Variants in LRFN5 observed in about 807,000 individuals in gnomAD.
LRFN5 encodes the protein leucine-rich repeat and fibronectin type-III domain-containing protein 5.
In LRFN5, 24 loss-of-function variants were observed where a neutral mutation model predicts 45.6. The observed-to-expected ratio is 0.53, with a 90% CI of 0.38 to 0.74. The LOEUF (loss-of-function observed/expected upper bound fraction) is 0.74, where lower values mean the gene tolerates loss of function less well. LRFN5 is among the 30% of genes least tolerant of loss of function. The pLI, the probability that LRFN5 is intolerant of heterozygous loss-of-function variation, is 0.00. For synonymous variants in LRFN5, 340 were observed against 313.8 expected, an observed-to-expected ratio of 1.08 and a Z score of -0.88; for missense variants, 776 against 861.5, an observed-to-expected ratio of 0.90 and a Z score of 1.24.
intron 1 of LRFN5, among the ~76,000 whole-genome samples, chr14:41,719,033 G>T (rs1051071061): frequency 2.0e-5 from 3 of 152,152 alleles, no homozygotes; most frequent in Non-Finnish European, 4.4e-5. Context: ...CTGGATTACA[G>T]AGTACCAGAA....
intron 2 of LRFN5, among the ~76,000 whole-genome samples, chr14:41,847,746 A>G (rs1184386081): frequency 6.6e-6 from 1 of 152,116 alleles, no homozygotes; most frequent in Non-Finnish European, 1.5e-5. Context: ...GGGTAAATTT[A>G]TGAATTATTT....
chr14:41,716,405 GC>G (rs778062305), intron 1 of LRFN5, among the ~76,000 whole-genome samples: 43 of 152,220 alleles, frequency 2.8e-4, no homozygotes, highest in Middle Eastern at 3.4e-3. Flanking sequence ...AAAACTGACT[GC>G]CTTTAACAGC....
rs546919983 is a variant in LRFN5 at position 41,753,883 on chromosome 14, G to A, written c.-196-12971G>A. Among the ~76,000 whole-genome samples, 703 of 151,186 alleles carry A rather than the reference G, an allele frequency of 4.6e-3. 2 individuals carry two copies. The highest frequency in any genetic ancestry group is 8.5e-3 in the Non-Finnish European group (573 of 67,336). ...AATGCTTCCAGTTTTTGCCCATTCA[G>A]TATATTGGCTGTGGGTTTGTCATAG... is the stretch of plus-strand genomic sequence containing the variant. On this transcript the variant is annotated intron_variant, in intron 1 of 5. Transcript: ENST00000298119.
At chr14:41,659,892 G>GTTTTTTTTTTTTT (rs11352345) in intron 1 of LRFN5, among the ~76,000 whole-genome samples, 13 of 123,892 alleles carry the variant, frequency 1.0e-4, no homozygotes, top group East Asian at 2.5e-4. Flanking sequence ...ACTTTTTGAT[G>GTTTTTTTTTTTTT]TTTTTTTTTT....
intron 1 of LRFN5, among the ~76,000 whole-genome samples, chr14:41,703,992 A>C (rs959470704): frequency 6.6e-6 from 1 of 152,072 alleles, no homozygotes; most frequent in African/African-American, 2.4e-5. Context: ...AGGTAGCTCC[A>C]TTATTTACCC....
chr14:41,760,796 G>C (rs1885627876), intron 1 of LRFN5, among the ~76,000 whole-genome samples: 1 of 151,724 alleles, frequency 6.6e-6, no homozygotes. Flanking sequence ...GGTGAAAACT[G>C]GTAGATATAA....
At chr14:41,716,716 C>T (rs1883509342) in intron 1 of LRFN5, among the ~76,000 whole-genome samples, 1 of 152,166 alleles carries the variant, frequency 6.6e-6, no homozygotes, top group African/African-American at 2.4e-5. Context: ...GTCTTCTGAG[C>T]CATCCAAAAT....
At chr14:41,718,528 G>A (rs1366794512) in intron 1 of LRFN5, among the ~76,000 whole-genome samples, 1 of 152,104 alleles carries the variant, frequency 6.6e-6, no homozygotes, top group Non-Finnish European at 1.5e-5. Context: ...TATTGTTCAT[G>A]TTTTTAAAGA....
chr14:41,682,247 A>AAAT lies in LRFN5; in HGVS notation c.-197+73707_-197+73709dup, dbSNP rs373861274. Among the ~76,000 whole-genome samples the AAAT allele has an allele frequency of 6.0e-3, 896 of 148,390 alleles. 19 individuals carry two copies. Among genetic ancestry groups the AAAT allele is most frequent in the Admixed American group, 0.043 (644 of 14,824 alleles). ...GGCAACAGAGCAAGACTTCATCTTA[A>AAAT]AATAATAATAATAATAATAATAATT... On this transcript the variant is annotated intron_variant, in intron 1 of 5. Coordinates refer to ENST00000298119, the MANE Select transcript of LRFN5 (RefSeq NM_152447.5).
At chr14:41,883,379 C>G (rs1332439386) in intron 2 of LRFN5, among the ~76,000 whole-genome samples, 1 of 152,074 alleles carries the variant, frequency 6.6e-6, no homozygotes, top group Non-Finnish European at 1.5e-5. Context: ...GCATACATAT[C>G]TACAGATGTA....
At chr14:41,673,730 T>G (rs1239211299) in intron 1 of LRFN5, among the ~76,000 whole-genome samples, 1 of 128,612 alleles carries the variant, frequency 7.8e-6, no homozygotes, top group East Asian at 2.7e-4. Flanking sequence ...GGCTCCTCAC[T>G]TCCCAGTAGG....
chr14:41,782,377 T>C (rs1886560024), intron 2 of LRFN5, among the ~76,000 whole-genome samples: 1 of 152,166 alleles, frequency 6.6e-6, no homozygotes, highest in South Asian at 2.1e-4. Context: ...TTTTACTCTT[T>C]CTTTTGATTC....
At chr14:41,782,274 C>T (rs1385783036) in intron 2 of LRFN5, among the ~76,000 whole-genome samples, 1 of 151,694 alleles carries the variant, frequency 6.6e-6, no homozygotes, top group Admixed American at 6.6e-5. Context: ...TTTCTATTGA[C>T]ATTTCTCAAA....
At chr14:41,625,623 TCAAGAA>T (rs1888303834) in intron 1 of LRFN5, among the ~76,000 whole-genome samples, 1 of 152,164 alleles carries the variant, frequency 6.6e-6, no homozygotes, top group Non-Finnish European at 1.5e-5. Flanking sequence ...AACTGTAATT[TCAAGAA>T]AGTTTATTGC....
intron 2 of LRFN5, among the ~76,000 whole-genome samples, chr14:41,829,117 A>G (rs919588354): frequency 1.3e-5 from 2 of 152,076 alleles, no homozygotes; most frequent in South Asian, 4.1e-4. Context: ...TCACAATCCT[A>G]GAGTACACTG....
intron 1 of LRFN5, among the ~76,000 whole-genome samples, chr14:41,657,451 G>C (rs555679084): frequency 6.6e-6 from 1 of 151,966 alleles, no homozygotes; most frequent in African/African-American, 2.4e-5. Context: ...ACTGTGCTCT[G>C]ACCCATCTCA....
chr14:41,718,294 G>A (rs1260132400), intron 1 of LRFN5, among the ~76,000 whole-genome samples: 1 of 152,100 alleles, frequency 6.6e-6, no homozygotes, highest in Non-Finnish European at 1.5e-5. Context: ...TGTAATTGTA[G>A]AATATGCACT....
intron 2 of LRFN5, among the ~76,000 whole-genome samples, chr14:41,859,619 T>A (rs932090839): frequency 1.3e-5 from 2 of 152,074 alleles, no homozygotes; most frequent in Admixed American, 6.6e-5. Context: ...TATAAATGAG[T>A]TCAAATGCAG....
chr14:41,859,921 C>T (rs1439759776), intron 2 of LRFN5, among the ~76,000 whole-genome samples: 1 of 151,998 alleles, frequency 6.6e-6, no homozygotes, highest in Non-Finnish European at 1.5e-5. Flanking sequence ...ATCACTATAC[C>T]CTTCTTTCTA....
Sources: gnomAD v4.1 joint callset for allele counts (sites outside exome capture counted in the v4.1 genomes callset) on GRCh38, gnomAD v4.1.1 for gene constraint, MANE v1.5 for transcripts, NCBI Gene and HGNC (gene_info 2026-07-23, HGNC 2026-07-21) for gene names.